The following GOLPH3 variants were observed in gnomAD, a reference collection of about 807,000 sequenced individuals.
GOLPH3 encodes the protein coat protein GPP34.
GOLPH3 carries 14 observed loss-of-function variants against 28.5 expected under a neutral mutation model. The observed-to-expected ratio is 0.49, with a 90% CI of 0.32 to 0.77. The LOEUF (loss-of-function observed/expected upper bound fraction) is 0.77. GOLPH3 is among the 30% of genes least tolerant of loss of function. The pLI, the probability that GOLPH3 is intolerant of heterozygous loss-of-function variation, is 0.03. For synonymous variants in GOLPH3, 158 were observed against 159.2 expected, an observed-to-expected ratio of 0.99 and a Z score of 0.06; for missense variants, 350 against 393.7, an observed-to-expected ratio of 0.89 and a Z score of 0.94.
rs1746488087 is a variant in GOLPH3, at chr5:32,158,123, TAAATAAAATACACACACAC to T, written c.226-14262_226-14244del. ...ATAAATAAATAAATAAATAAATAAATAAATAAAATACACACACACACACACACACACACACACACACACA... is the reference window on the plus strand; with the variant it reads ...ATAAATAAATAAATAAATAAATAAATACACACACACACACACACACACACA... On this transcript the variant is annotated intron_variant, in intron 1 of 3. Coordinates refer to ENST00000265070, the MANE Select transcript of GOLPH3 (RefSeq NM_022130.4). Among the ~76,000 whole-genome samples the T allele has an allele frequency of 3.5e-5, 3 of 86,656 alleles. 1 individual carries two copies. Among genetic ancestry groups the T allele is most frequent in the African/African-American group, 1.5e-4 (3 of 19,668 alleles). 56.8% of individuals were successfully genotyped at this position (86,656 alleles called of 152,430 possible). A position where few individuals can be genotyped will look rare whatever the true frequency, so the allele number is the denominator to read the frequency against.
chr5:32,142,666 A>G (rs1244970855), intron 2 of GOLPH3, among the ~76,000 whole-genome samples: 1 of 117,500 alleles, frequency 8.5e-6, no homozygotes, highest in Non-Finnish European at 1.7e-5. Flanking sequence ...TCAGCCCCCA[A>G]GCCCGGCCAG....
chr5:32,127,517 T>C (rs60151005), intron 3 of GOLPH3, among the ~76,000 whole-genome samples: 1,706 of 152,342 alleles, frequency 0.011, 33 homozygotes, highest in African/African-American at 0.039. Flanking sequence ...ACAGGAGCCA[T>C]TACCCACATA....
At chr5:32,128,218 C>A (rs1047005111) in intron 3 of GOLPH3, among the ~76,000 whole-genome samples, 1 of 152,156 alleles carries the variant, frequency 6.6e-6, no homozygotes, top group Admixed American at 6.5e-5. Flanking sequence ...TTCAGTAGAG[C>A]TGGGAAAAAT....
intron 3 of GOLPH3, among the ~76,000 whole-genome samples, chr5:32,129,871 T>C: frequency 6.6e-6 from 1 of 151,680 alleles, no homozygotes; most frequent in East Asian, 1.9e-4. Flanking sequence ...AGACGGAGTC[T>C]CACTCTGTCG....
At chr5:32,135,897 T>C (rs531094291) in intron 2 of GOLPH3, among the ~76,000 whole-genome samples, 3 of 152,250 alleles carry the variant, frequency 2.0e-5, no homozygotes, top group African/African-American at 7.2e-5. Context: ...TGAATGAAAA[T>C]TGGCTAGACT....
chr5:32,131,583 G>T (rs1745826262), intron 3 of GOLPH3, among the ~76,000 whole-genome samples: 1 of 152,190 alleles, frequency 6.6e-6, no homozygotes, highest in Non-Finnish European at 1.5e-5. Context: ...CATGCTGTTA[G>T]TCCTCAGTCC....
Position 32,165,408 on chromosome 5 carries a change from C to T in GOLPH3, c.225+8402G>A, listed in dbSNP as rs1746688806. On this transcript the variant is annotated intron_variant, in intron 1 of 3. Transcript: ENST00000265070. ...GACCAGCCTGGCCAACATGGCGAAA[C>T]CTTGTCTCTACTAAAAATACAAAAA... Among the ~76,000 whole-genome samples, 3 of 152,100 alleles carry T rather than the reference C, an allele frequency of 2.0e-5. No homozygotes were observed. The South Asian group carries it at 6.2e-4, about 32-fold the overall frequency.
At chr5:32,138,982 T>C (rs1208898093) in intron 2 of GOLPH3, among the ~76,000 whole-genome samples, 1 of 152,260 alleles carries the variant, frequency 6.6e-6, no homozygotes, top group Non-Finnish European at 1.5e-5. Flanking sequence ...TTCTTTATAT[T>C]TATTGCAATT....
chr5:32,165,509 G>C (rs1384008848), intron 1 of GOLPH3, among the ~76,000 whole-genome samples: 1 of 152,096 alleles, frequency 6.6e-6, no homozygotes, highest in East Asian at 1.9e-4. Flanking sequence ...CTTGAACCCA[G>C]GAGGCAGAGG....
At chr5:32,133,431 G>A (rs1329900480) in intron 3 of GOLPH3, among the ~76,000 whole-genome samples, 1 of 152,068 alleles carries the variant, frequency 6.6e-6, no homozygotes, top group Non-Finnish European at 1.5e-5. Context: ...TGGTCAGCTG[G>A]GAACCAAATT....
At chr5:32,141,700 T>TG (rs1173890283) in intron 2 of GOLPH3, among the ~76,000 whole-genome samples, 1 of 152,218 alleles carries the variant, frequency 6.6e-6, no homozygotes, top group Non-Finnish European at 1.5e-5. Flanking sequence ...GCAACCTCCC[T>TG]GCCTGATTCT....
At chr5:32,128,192 T>C (rs543041321) in intron 3 of GOLPH3, among the ~76,000 whole-genome samples, 9 of 152,270 alleles carry the variant, frequency 5.9e-5, no homozygotes, top group African/African-American at 1.7e-4. Flanking sequence ...TACCAGAAAG[T>C]GAACAATTCT....
chr5:32,142,253 G>A (rs1423878584), intron 2 of GOLPH3, among the ~76,000 whole-genome samples: 1 of 150,976 alleles, frequency 6.6e-6, no homozygotes. Context: ...CCTCTGCCCT[G>A]CCGCCCCGTC....
chr5:32,143,132 T>C, intron 2 of GOLPH3, among the ~76,000 whole-genome samples: 1 of 152,254 alleles, frequency 6.6e-6, no homozygotes, highest in Non-Finnish European at 1.5e-5. Context: ...CTTGGGATCC[T>C]GTTGATCGGT....
At chr5:32,164,798 TCTAC>T (rs1239140025) in intron 1 of GOLPH3, among the ~76,000 whole-genome samples, 1 of 151,966 alleles carries the variant, frequency 6.6e-6, no homozygotes, top group African/African-American at 2.4e-5. Context: ...AAGCCAGTAA[TCTAC>T]TTAATTAATA....
intron 1 of GOLPH3, among the ~76,000 whole-genome samples, chr5:32,168,498 C>T (rs1746762396): frequency 6.6e-6 from 1 of 152,138 alleles, no homozygotes; most frequent in Admixed American, 6.5e-5. Context: ...TTCTTGTCTA[C>T]AAGCATTAGA....
intron 1 of GOLPH3, among the ~76,000 whole-genome samples, chr5:32,155,957 A>C (rs912666264): frequency 4.2e-4 from 4 of 9,444 alleles, no homozygotes; most frequent in Non-Finnish European, 7.9e-4. Flanking sequence ...ACACTGTCTC[A>C]AAAAAAAAAA....
intron 2 of GOLPH3, among the ~76,000 whole-genome samples, chr5:32,142,534 C>A (rs1297287997): frequency 6.7e-6 from 1 of 149,120 alleles, no homozygotes; most frequent in African/African-American, 2.5e-5. Context: ...CGCCTCTGCC[C>A]GGCCGCCCCT....
At chr5:32,150,087 T>G (rs559560474) in intron 1 of GOLPH3, among the ~76,000 whole-genome samples, 6 of 152,222 alleles carry the variant, frequency 3.9e-5, no homozygotes, top group African/African-American at 1.4e-4. Context: ...GATAGGAGTT[T>G]AGTAAAGTAG....
Sources: gnomAD v4.1 joint callset for allele counts (sites outside exome capture counted in the v4.1 genomes callset) on GRCh38, gnomAD v4.1.1 for gene constraint, MANE v1.5 for transcripts, NCBI Gene and HGNC (gene_info 2026-07-23, HGNC 2026-07-21) for gene names.